The following MAP4 variants were observed in gnomAD, a reference collection of about 807,000 sequenced individuals.
MAP4 encodes the protein microtubule associated protein 4, also known as microtubule-associated protein 4.
MAP4 carries 76 observed loss-of-function variants against 170.2 expected under a neutral mutation model. The ratio of observed to expected loss-of-function variants is 0.45; its 90% CI spans 0.37 to 0.54. The LOEUF is 0.54. MAP4 is among the 20% of genes least tolerant of loss of function. MAP4 has a pLI of 0.00. For synonymous variants in MAP4, 909 were observed against 994.5 expected, an observed-to-expected ratio of 0.91 and a Z score of 1.62; for missense variants, 2,506 against 2,748.0, an observed-to-expected ratio of 0.91 and a Z score of 1.97.
intron 1 of MAP4, among the ~76,000 whole-genome samples, chr3:48,064,718 G>A (rs1237039133): frequency 6.6e-6 from 1 of 152,116 alleles, no homozygotes; most frequent in Non-Finnish European, 1.5e-5. Context: ...GTCATAGAGT[G>A]TACTAAACAA....
intron 19 of MAP4, among the ~76,000 whole-genome samples, chr3:47,854,681 G>A (rs561301087): frequency 1.3e-5 from 2 of 152,144 alleles, no homozygotes; most frequent in Admixed American, 6.5e-5. Context: ...CCAGCCAGTC[G>A]TGAGGATGGG....
At chr3:47,890,088 AT>A (rs763319427) in intron 10 of MAP4, among the ~76,000 whole-genome samples, 5 of 151,414 alleles carry the variant, frequency 3.3e-5, no homozygotes, top group Admixed American at 2.0e-4. Context: ...AAACAAGACT[AT>A]TTTTTTTTAA....
chr3:47,970,063 A>G (rs1202394591), intron 3 of MAP4, among the ~76,000 whole-genome samples: 2 of 152,066 alleles, frequency 1.3e-5, no homozygotes, highest in Middle Eastern at 3.2e-3. Context: ...TTTTCCTCTA[A>G]TTTCACTTTT....
At chr3:47,999,104 G>C (rs1462472647) in intron 1 of MAP4, among the ~76,000 whole-genome samples, 3 of 152,142 alleles carry the variant, frequency 2.0e-5, no homozygotes. Context: ...ATTTCTGGGG[G>C]TGGAGGGAGG....
At chr3:47,881,649 T>TAAAA (rs1437061857) in intron 10 of MAP4, among the ~76,000 whole-genome samples, 3 of 151,554 alleles carry the variant, frequency 2.0e-5, no homozygotes, top group Non-Finnish European at 4.4e-5. Context: ...TTTTTCTTTT[T>TAAAA]AAGACAGGTG....
At chr3:47,971,921 T>G (rs2100078998) in intron 3 of MAP4, among the ~76,000 whole-genome samples, 1 of 152,096 alleles carries the variant, frequency 6.6e-6, no homozygotes, top group East Asian at 1.9e-4. Flanking sequence ...AATAACAAAA[T>G]TCAAGAATTG....
chr3:47,989,596 GGAA>G (rs1387292215), intron 2 of MAP4, among the ~76,000 whole-genome samples: 6 of 152,302 alleles, frequency 3.9e-5, no homozygotes, highest in Admixed American at 3.9e-4. Flanking sequence ...AGGTTAGAAA[GGAA>G]GAAGAGAAGC....
intron 15 of MAP4, among the ~76,000 whole-genome samples, 177 bp downstream of exon 15, chr3:47,870,636 C>T (rs1180664758): frequency 1.3e-5 from 2 of 152,208 alleles, no homozygotes; most frequent in Admixed American, 1.3e-4. Context: ...GCTCAGCCTA[C>T]CCCGCCTCCC....
intron 1 of MAP4, among the ~76,000 whole-genome samples, chr3:48,015,224 C>T (rs2100107169): frequency 8.3e-6 from 1 of 120,090 alleles, no homozygotes; most frequent in South Asian, 2.8e-4. Context: ...AGGTAGGATA[C>T]TGCTTATAAT....
chr3:48,014,769 C>T (rs1174918822), intron 1 of MAP4, among the ~76,000 whole-genome samples: 2 of 152,186 alleles, frequency 1.3e-5, no homozygotes, highest in South Asian at 2.1e-4. Context: ...AAATTTCTAC[C>T]GACATTCATT....
rs2091292947 is a variant in MAP4, at chr3:47,870,969, A to T, written c.6138T>A (p.Thr2046=). The T allele has an allele frequency of 6.2e-7, 1 of 1,613,780 alleles. No individual in the cohort carries two copies. Among genetic ancestry groups the T allele is most frequent in the Non-Finnish European group, 8.5e-7 (1 of 1,179,918 alleles). ...ATPMPSRPST[T]PFIDKKPTSA... ...AGGTGGGCTTCTTGTCTATGAAAGGAGTTGTGGAGGGCCGGGAGGGCATGG... is the reference window on the plus strand; with the variant it reads ...AGGTGGGCTTCTTGTCTATGAAAGGTGTTGTGGAGGGCCGGGAGGGCATGG... Residue 2046 remains threonine, a synonymous_variant, in exon 15 of 21, where the codon ACT becomes ACA. Transcript: ENST00000683076.
intron 4 of MAP4, among the ~76,000 whole-genome samples, chr3:47,923,435 G>A (rs1466466640): frequency 6.6e-6 from 1 of 150,872 alleles, no homozygotes; most frequent in Non-Finnish European, 1.5e-5. Flanking sequence ...AAAACCATGG[G>A]AGCCTGGAAA....
At chr3:47,867,720 G>C (rs1472268228) in intron 16 of MAP4, among the ~76,000 whole-genome samples, 1 of 152,196 alleles carries the variant, frequency 6.6e-6, no homozygotes, top group Non-Finnish European at 1.5e-5. Context: ...CAGTGTCCTT[G>C]GCTCTTCTCT....
chr3:48,062,477 C>A (rs1337869954), intron 1 of MAP4, among the ~76,000 whole-genome samples: 1 of 102,800 alleles, frequency 9.7e-6, no homozygotes, highest in Admixed American at 1.2e-4. Context: ...CTGCGAGAAA[C>A]ACCCAAGAAT....
rs1298814539 is a variant in MAP4 at position 47,880,477 on chromosome 3, T to TTG, written c.5435-2955_5435-2954insCA. On this transcript the variant is annotated intron_variant, in intron 10 of 20. Coordinates refer to ENST00000683076, the MANE Select transcript of MAP4 (RefSeq NM_001385682.1). The stretch of plus-strand genomic sequence containing the variant: ...AATTCCAATTTCAGTTTTTTTTTTT[T>TTG]TTTTTTTTTTAAGAGATGAAGTCTG... Among the ~76,000 whole-genome samples the TTG allele has an allele frequency of 3.5e-3, 514 of 147,262 alleles. 4 individuals carry two copies. The highest frequency in any genetic ancestry group is 0.012 in the African/African-American group (479 of 40,014).
At chr3:48,080,644 C>T (rs566491589) in intron 1 of MAP4, among the ~76,000 whole-genome samples, 8 of 152,138 alleles carry the variant, frequency 5.3e-5, no homozygotes, top group African/African-American at 1.9e-4. Flanking sequence ...GCCAGGAATT[C>T]AAGACCGGCC....
At chr3:47,925,294 G>A (rs2100045184) in intron 4 of MAP4, among the ~76,000 whole-genome samples, 1 of 152,116 alleles carries the variant, frequency 6.6e-6, no homozygotes, top group Non-Finnish European at 1.5e-5. Context: ...TCAACTTTCC[G>A]CTGAGGAAAT....
chr3:48,054,237 G>A (rs1374967673), intron 1 of MAP4, among the ~76,000 whole-genome samples: 1 of 152,092 alleles, frequency 6.6e-6, no homozygotes, highest in Non-Finnish European at 1.5e-5. Flanking sequence ...GGCGGAGATC[G>A]CAGTGAGCCG....
rs1579246098 is a variant in MAP4, at chr3:48,013,156, A to T, written c.-20+3178T>A. On this transcript the variant is annotated intron_variant, in intron 1 of 20. Transcript: ENST00000683076. ...CATGTATGAATTTCATCTCACACAG[A>T]ATCACTTGAAGTTACTTACTATTCG... Among the ~76,000 whole-genome samples, 3 of 152,298 alleles carry T rather than the reference A, an allele frequency of 2.0e-5. No individual in the cohort carries two copies. In the Middle Eastern group the frequency reaches 0.01, roughly 518 times the overall value.
Sources: gnomAD v4.1 joint callset for allele counts (sites outside exome capture counted in the v4.1 genomes callset) on GRCh38, gnomAD v4.1.1 for gene constraint, MANE v1.5 for transcripts, NCBI Gene and HGNC (gene_info 2026-07-23, HGNC 2026-07-21) for gene names.